The following ARFGEF2 variants were observed in gnomAD, a reference collection of about 807,000 sequenced individuals.
ARFGEF2 encodes the protein brefeldin A-inhibited guanine nucleotide-exchange protein 2.
ARFGEF2 carries 74 observed loss-of-function variants against 219.9 expected under a neutral mutation model. That is an observed-to-expected ratio of 0.34 (90% CI 0.28 to 0.41). The LOEUF (loss-of-function observed/expected upper bound fraction) is 0.41. ARFGEF2 is among the 10% of genes least tolerant of loss of function. The probability of loss-of-function intolerance (pLI) is 1.00; values close to 1 mark genes in which losing one functional copy is unlikely to be tolerated. For missense variants in ARFGEF2, 1,743 were observed against 2,218.3 expected, an observed-to-expected ratio of 0.79 and a Z score of 4.30; for synonymous variants, 733 against 799.2, an observed-to-expected ratio of 0.92 and a Z score of 1.40.
At chr20:49,016,461 A>G in intron 31 of ARFGEF2, 46 bp downstream of exon 31, 1 of 1,598,910 alleles carries the variant, frequency 6.3e-7, no homozygotes, top group Non-Finnish European at 8.5e-7. Context: ...ATAGTCTTTA[A>G]TGAGAGGTTA....
At chr20:48,963,985 C>A (rs1337839206) in intron 7 of ARFGEF2, 87 bp downstream of exon 7, 3 of 1,213,784 alleles carry the variant, frequency 2.5e-6, no homozygotes, top group South Asian at 1.3e-5. Context: ...GGAGTTTCCT[C>A]TTCCCTGCCC....
Position 49,011,966 on chromosome 20 carries a change from T to G in ARFGEF2, c.3800T>G (p.Phe1267Cys). 2 of 1,614,228 alleles carry G rather than the reference T, an allele frequency of 1.2e-6. No individual in the cohort carries two copies. The highest frequency in any genetic ancestry group is 1.7e-6 in the Non-Finnish European group (2 of 1,180,046). The change falls in exon 28 of 39, where the codon TTT becomes TGT. Residue 1267 changes from phenylalanine to cysteine, a missense_variant. Phe to Cys is a radical substitution (Grantham distance 205). Coordinates refer to ENST00000371917, the MANE Select transcript of ARFGEF2 (RefSeq NM_006420.3). Reference protein sequence around the residue: ...QHHFPAAIDSFQDAVKCLSEF... With the variant: ...QHHFPAAIDSCQDAVKCLSEF... ...CATTTTCCTGCAGCCATCGATTCCT[T>G]TCAGGATGCTGTGAAGTGCTTATCA...
chr20:48,946,258 A>G (rs866245135), intron 3 of ARFGEF2, among the ~76,000 whole-genome samples: 2 of 152,306 alleles, frequency 1.3e-5, no homozygotes, highest in Non-Finnish European at 2.9e-5. Context: ...TTGATTTGCC[A>G]TAAGCACAGT....
At chr20:49,002,298 G>A (rs6095391) in intron 25 of ARFGEF2, among the ~76,000 whole-genome samples, 25,031 of 152,198 alleles carry the variant, frequency 0.16, 2,642 homozygotes, top group Non-Finnish European at 0.24. Flanking sequence ...AATTTTAAGT[G>A]TGCGGTTCAG....
intron 34 of ARFGEF2, among the ~76,000 whole-genome samples, chr20:49,019,676 G>T (rs890320253): frequency 3.9e-5 from 6 of 152,192 alleles, no homozygotes; most frequent in Admixed American, 1.3e-4. Context: ...AGCTGTTTAC[G>T]TGATCTTTTT....
chr20:48,990,906 G>T (rs896183572), intron 20 of ARFGEF2, 134 bp from the exon 21 acceptor site: 2 of 956,522 alleles, frequency 2.1e-6, no homozygotes, highest in Non-Finnish European at 3.3e-6. Flanking sequence ...AATAACTGTT[G>T]TGCTAATGTG....
At chr20:49,024,462 T>C (rs1486965588) in intron 35 of ARFGEF2, among the ~76,000 whole-genome samples, 1 of 152,186 alleles carries the variant, frequency 6.6e-6, no homozygotes, top group Non-Finnish European at 1.5e-5. Flanking sequence ...CTGCCACCTC[T>C]CAGCTTTAGC....
intron 1 of ARFGEF2, 63 bp downstream of exon 1, chr20:48,922,073 T>A: frequency 6.6e-7 from 1 of 1,523,976 alleles, no homozygotes; most frequent in South Asian, 1.2e-5. Flanking sequence ...TGCCCTATCC[T>A]ACTCGGCCTT....
chr20:48,983,835 A>G (rs1332375480), intron 14 of ARFGEF2, among the ~76,000 whole-genome samples: 3 of 152,128 alleles, frequency 2.0e-5, no homozygotes, highest in Admixed American at 6.5e-5. Flanking sequence ...GTTTGTGCTT[A>G]CTCATGAATA....
chr20:48,969,713 A>G (rs1600620901), intron 9 of ARFGEF2, among the ~76,000 whole-genome samples: 1 of 152,218 alleles, frequency 6.6e-6, no homozygotes, highest in Non-Finnish European at 1.5e-5. Flanking sequence ...TCTTTGTAGT[A>G]AACAAACTAC....
intron 3 of ARFGEF2, among the ~76,000 whole-genome samples, chr20:48,950,477 A>G (rs2091058766): frequency 6.6e-6 from 1 of 152,024 alleles, no homozygotes. Context: ...GATAAAATTA[A>G]CATGCATACA....
rs900155824 is a variant in ARFGEF2 at position 49,021,262 on chromosome 20, T to TA, written c.4625-1787dup. ...AAGAAGAAAAAAAAAATTTTTTTTT[T>TA]AATGAAAAAAATGAAAAAATAATTT... is the stretch of plus-strand genomic sequence containing the variant. On this transcript the variant is annotated intron_variant, in intron 34 of 38. Transcript: ENST00000371917. Among the ~76,000 whole-genome samples the TA allele has an allele frequency of 7.2e-4, 109 of 151,838 alleles. 1 individual carries two copies. The highest frequency in any genetic ancestry group is 2.5e-3 in the African/African-American group (104 of 41,392).
Position 48,984,822 on chromosome 20 carries a change from G to A in ARFGEF2, c.2052G>A (p.Gln684=). 1.2e-6 allele frequency: 2 copies of A among 1,612,796 alleles called. No homozygotes were observed. The highest frequency in any genetic ancestry group is 4.5e-5 in the East Asian group (2 of 44,864). The change falls in exon 15 of 39, where the codon CAG becomes CAA. Residue 684 remains glutamine (Q), a synonymous_variant. Coordinates refer to ENST00000371917, the MANE Select transcript of ARFGEF2 (RefSeq NM_006420.3). The stretch of plus-strand genomic sequence containing the variant: ...AAGACATAGCCCAATTCCTGCACCA[G>A]GAGGAGCGCCTGGATTCCGTAAGGC... ...SVEDIAQFLH[Q]EERLDSTQVG...
At chr20:49,030,201 G>A (rs971590650) in intron 37 of ARFGEF2, among the ~76,000 whole-genome samples, 1 of 151,836 alleles carries the variant, frequency 6.6e-6, no homozygotes, top group South Asian at 2.1e-4. Context: ...CACTGCGCCC[G>A]GCCTAAAAGT....
Position 48,989,408 on chromosome 20 carries a change from A to G in ARFGEF2, c.2657A>G (p.His886Arg), listed in dbSNP as rs1249833286. Residue 886 changes from histidine to arginine, a missense_variant, in exon 19 of 39, where the codon CAC (histidine) becomes CGC (arginine). His to Arg is a conservative substitution (Grantham distance 29). Transcript: ENST00000371917. ...HAKAPFTSAT[H>R]LDHVRPMFKL... is the part of the protein sequence containing the mutation. ...AAAGCCCCGTTTACCAGTGCCACTCACCTGGACCATGTCCGGCCAATGTTC... is the reference window on the plus strand; with the variant it reads ...AAAGCCCCGTTTACCAGTGCCACTCGCCTGGACCATGTCCGGCCAATGTTC... 3.1e-6 allele frequency: 5 copies of G among 1,614,238 alleles called. No homozygotes were observed. The highest frequency in any genetic ancestry group is 1.7e-6 in the Non-Finnish European group (2 of 1,180,034).
chr20:48,932,707 C>T (rs1246236291), intron 1 of ARFGEF2, among the ~76,000 whole-genome samples: 1 of 152,148 alleles, frequency 6.6e-6, no homozygotes, highest in Non-Finnish European at 1.5e-5. Flanking sequence ...AAGACAGGTT[C>T]TACTGGGAGC....
intron 3 of ARFGEF2, among the ~76,000 whole-genome samples, chr20:48,944,399 A>G (rs1409545721): frequency 2.0e-5 from 3 of 152,124 alleles, no homozygotes; most frequent in Non-Finnish European, 4.4e-5. Context: ...TACCGTGTGT[A>G]GTCCCCTCGA....
chr20:49,000,084 G>A (rs77399626), intron 25 of ARFGEF2, among the ~76,000 whole-genome samples: 180 of 152,310 alleles, frequency 1.2e-3, no homozygotes, highest in African/African-American at 4.2e-3. Context: ...TTTAAAGTTA[G>A]CAATATGATG....
At chr20:48,922,338 G>C (rs903947463) in intron 1 of ARFGEF2, among the ~76,000 whole-genome samples, 7 of 152,222 alleles carry the variant, frequency 4.6e-5, no homozygotes, top group Non-Finnish European at 1.0e-4. Context: ...CTTGCCCCAA[G>C]TTTTTTCGTT....
Sources: gnomAD v4.1 joint callset for allele counts (sites outside exome capture counted in the v4.1 genomes callset) on GRCh38, gnomAD v4.1.1 for gene constraint, MANE v1.5 for transcripts, NCBI Gene and HGNC (gene_info 2026-07-23, HGNC 2026-07-21) for gene names.